The following ERBB4 variants were observed in gnomAD, a reference collection of about 807,000 sequenced individuals.
ERBB4 encodes receptor tyrosine-protein kinase erbB-4.
ERBB4 carries 42 observed loss-of-function variants against 158.0 expected under a neutral mutation model. The ratio of observed to expected loss-of-function variants is 0.27; its 90% CI spans 0.21 to 0.34. The LOEUF is 0.34. ERBB4 is among the 10% of genes least tolerant of loss of function. The probability of loss-of-function intolerance (pLI) is 1.00; values close to 1 mark genes in which losing one functional copy is unlikely to be tolerated. For missense variants in ERBB4, 1,333 were observed against 1,624.1 expected, an observed-to-expected ratio of 0.82 and a Z score of 3.08; for synonymous variants, 583 against 558.7, an observed-to-expected ratio of 1.04 and a Z score of -0.61.
At chr2:212,088,429 A>G (rs1371971711) in intron 2 of ERBB4, among the ~76,000 whole-genome samples, 1 of 152,172 alleles carries the variant, frequency 6.6e-6, no homozygotes, top group African/African-American at 2.4e-5. Context: ...TGTCTATCAC[A>G]TGACAGGTAC....
chr2:211,734,146 T>C (rs1173047427), intron 5 of ERBB4, among the ~76,000 whole-genome samples: 1 of 152,078 alleles, frequency 6.6e-6, no homozygotes. Context: ...TCATATTAGG[T>C]AAACAATGGA....
chr2:212,116,364 T>C (rs1333707122), intron 2 of ERBB4, among the ~76,000 whole-genome samples: 3 of 152,300 alleles, frequency 2.0e-5, no homozygotes, highest in Non-Finnish European at 2.9e-5. Flanking sequence ...TACATCTTTA[T>C]CATAGATACC....
At chr2:212,466,015 G>A (rs1465494425) in intron 1 of ERBB4, among the ~76,000 whole-genome samples, 1 of 151,046 alleles carries the variant, frequency 6.6e-6, no homozygotes, top group Non-Finnish European at 1.5e-5. Flanking sequence ...ATAAGAACCA[G>A]AGCCACCAAT....
At chr2:212,324,802 A>C (rs1280306096) in intron 1 of ERBB4, among the ~76,000 whole-genome samples, 33 of 150,640 alleles carry the variant, frequency 2.2e-4, no homozygotes, top group Admixed American at 2.2e-3. Context: ...TACTACATTC[A>C]GTTTTACAGA....
chr2:211,463,309 G>A (rs2064585743), intron 20 of ERBB4, among the ~76,000 whole-genome samples: 1 of 152,144 alleles, frequency 6.6e-6, no homozygotes, highest in Non-Finnish European at 1.5e-5. Context: ...AAATTGCAAA[G>A]CTACTCACTT....
At chr2:211,919,779 G>A (rs999516552) in intron 3 of ERBB4, among the ~76,000 whole-genome samples, 1 of 152,008 alleles carries the variant, frequency 6.6e-6, no homozygotes, top group East Asian at 1.9e-4. Context: ...ACCCCAGAAA[G>A]TAGCTGGAAT....
intron 25 of ERBB4, among the ~76,000 whole-genome samples, chr2:211,402,935 C>T (rs944122151): frequency 6.6e-6 from 1 of 151,952 alleles, no homozygotes; most frequent in African/African-American, 2.4e-5. Flanking sequence ...CTCTTTGACC[C>T]AAAGGTGGAT....
At chr2:211,951,242 G>A (rs1282121371) in intron 2 of ERBB4, among the ~76,000 whole-genome samples, 1 of 152,088 alleles carries the variant, frequency 6.6e-6, no homozygotes, top group African/African-American at 2.4e-5. Context: ...CATTTATAAT[G>A]TCAACAGAGA....
At chr2:211,558,383 C>G (rs1037706847) in intron 20 of ERBB4, among the ~76,000 whole-genome samples, 1 of 152,054 alleles carries the variant, frequency 6.6e-6, no homozygotes, top group Non-Finnish European at 1.5e-5. Context: ...CTTCTGCCTC[C>G]CACTTACAAA....
intron 19 of ERBB4, among the ~76,000 whole-genome samples, chr2:211,585,977 T>G (rs1049222730): frequency 6.6e-6 from 1 of 152,190 alleles, no homozygotes; most frequent in Non-Finnish European, 1.5e-5. Flanking sequence ...CAATAGCTTA[T>G]TTTTGTCATA....
chr2:212,188,680 C>T (rs775626686), intron 1 of ERBB4, among the ~76,000 whole-genome samples: 3 of 151,720 alleles, frequency 2.0e-5, no homozygotes, highest in Non-Finnish European at 2.9e-5. Context: ...TGTCTTTTAC[C>T]TGGAACAAGC....
At chr2:212,243,489 A>G (rs2084193113) in intron 1 of ERBB4, among the ~76,000 whole-genome samples, 1 of 152,196 alleles carries the variant, frequency 6.6e-6, no homozygotes, top group East Asian at 1.9e-4. Context: ...GCTTTTTATT[A>G]ATCTTACTGC....
At chr2:212,499,773 C>T (rs1243992253) in intron 1 of ERBB4, among the ~76,000 whole-genome samples, 1 of 151,976 alleles carries the variant, frequency 6.6e-6, no homozygotes, top group East Asian at 1.9e-4. Context: ...AAATTGGATT[C>T]GTTTAGAACT....
intron 1 of ERBB4, among the ~76,000 whole-genome samples, chr2:212,202,918 T>A (rs537185914): frequency 6.6e-6 from 1 of 151,918 alleles, no homozygotes; most frequent in South Asian, 2.1e-4. Flanking sequence ...CGGCTAATTA[T>A]ATTAATAGTA....
intron 1 of ERBB4, among the ~76,000 whole-genome samples, chr2:212,351,170 G>A (rs1359725709): frequency 6.6e-6 from 1 of 152,070 alleles, no homozygotes; most frequent in Non-Finnish European, 1.5e-5. Context: ...AAACCTGACA[G>A]GTGTCCTTAT....
At chr2:211,807,121 AGTAGAC>A (rs1316467536) in intron 3 of ERBB4, among the ~76,000 whole-genome samples, 2 of 152,106 alleles carry the variant, frequency 1.3e-5, no homozygotes, top group African/African-American at 4.8e-5. Flanking sequence ...TGAGCTAGAG[AGTAGAC>A]AAAACAGGAG....
intron 2 of ERBB4, among the ~76,000 whole-genome samples, chr2:211,992,185 C>T (rs1475099751): frequency 6.6e-6 from 1 of 152,042 alleles, no homozygotes; most frequent in Non-Finnish European, 1.5e-5. Context: ...GTCTTTTCAT[C>T]AAAACACACC....
At chr2:212,173,674 C>A (rs1306966292) in intron 1 of ERBB4, among the ~76,000 whole-genome samples, 1 of 151,974 alleles carries the variant, frequency 6.6e-6, no homozygotes, top group African/African-American at 2.4e-5. Context: ...AACCACTTGA[C>A]TTCTAGCAGA....
intron 2 of ERBB4, among the ~76,000 whole-genome samples, chr2:211,959,964 G>A (rs2081136974): frequency 6.6e-6 from 1 of 151,828 alleles, no homozygotes; most frequent in African/African-American, 2.4e-5. Context: ...ACCATAATGG[G>A]GGTATCGACA....
Sources: allele counts gnomAD v4.1 joint callset (sites outside exome capture counted in the v4.1 genomes callset), GRCh38; gene constraint gnomAD v4.1.1; transcripts MANE v1.5; gene names NCBI Gene and HGNC (gene_info 2026-07-23, HGNC 2026-07-21).